Variants in CLUL1 observed in about 807,000 individuals in gnomAD.
CLUL1 encodes the protein clusterin like 1, also known as clusterin-like protein 1.
Under a neutral mutation model 49.4 loss-of-function variants are expected in CLUL1, and 43 were observed. That is an observed-to-expected ratio of 0.87 (90% confidence interval 0.68 to 1.12). The LOEUF is 1.12. Ranked by LOEUF, CLUL1 falls within the 50% of genes most tolerant of loss-of-function variation. CLUL1 has a pLI of 0.00. For synonymous variants in CLUL1, 192 were observed against 184.9 expected, an observed-to-expected ratio of 1.04 and a Z score of -0.31; for missense variants, 486 against 544.4, an observed-to-expected ratio of 0.89 and a Z score of 1.07.
In CLUL1 at chr18:644,956, C is replaced by G; in HGVS notation, c.1256C>G (p.Thr419Arg). ...GGAAATATTTCCAAACAAGATGAAACAATGATGACAGACTTAAGCATTCTG... is the reference window on the plus strand; with the variant it reads ...GGAAATATTTCCAAACAAGATGAAAGAATGATGACAGACTTAAGCATTCTG... The part of the protein sequence containing the change: ...HEGNISKQDE[T>R]MMTDLSILPS... Residue 419 changes from threonine to arginine, a missense_variant, in exon 9 of 10, where the codon ACA (threonine) becomes AGA (arginine). Coordinates refer to ENST00000692774, the MANE Select transcript of CLUL1 (RefSeq NM_001393344.1). The G allele has an allele frequency of 6.2e-7, 1 of 1,613,032 alleles. No individual in the cohort carries two copies. The highest frequency in any genetic ancestry group is 1.1e-5 in the South Asian group (1 of 90,840).
At chr18:605,155 A>C (rs774038252) in intron 1 of CLUL1, among the ~76,000 whole-genome samples, 30 of 152,204 alleles carry the variant, frequency 2.0e-4, no homozygotes, top group South Asian at 1.2e-3. Flanking sequence ...GTTTGTTTTG[A>C]TTTGACATTT....
At chr18:630,581 CCGAGTAATGTAGGTGGCCT>C in intron 6 of CLUL1, among the ~76,000 whole-genome samples, 1 of 150,316 alleles carries the variant, frequency 6.7e-6, no homozygotes. Flanking sequence ...GGGCCAGGAG[CCGAGTAATGTAGGTGGCCT>C]CGAGGAACTG....
chr18:618,160 C>T lies in CLUL1; in HGVS notation c.106+54C>T, dbSNP rs1844707443. ...TCCTGTTTGCATGTTGGTTGTCCTG[C>T]TGGCGTTTATAGTGAGTCGCAGTTG... On this transcript the variant is annotated intron_variant, in intron 3 of 9. Coordinates refer to ENST00000692774, the MANE Select transcript of CLUL1 (RefSeq NM_001393344.1). The surrounding 1 kb of genome is among the most constrained non-coding windows in gnomAD (Gnocchi z 4.2). The T allele has an allele frequency of 1.5e-6, 2 of 1,366,472 alleles. No homozygotes were observed. 84.6% of individuals were successfully genotyped at this position (1,366,472 alleles called of 1,614,324 possible).
chr18:644,263 G>A (rs1342512308), intron 8 of CLUL1, among the ~76,000 whole-genome samples: 1 of 152,170 alleles, frequency 6.6e-6, no homozygotes, highest in Non-Finnish European at 1.5e-5. Context: ...TATCAGTTCA[G>A]TTCCATTTAA....
In CLUL1 at chr18:627,468, T is replaced by G. The variant is rs748645505; in HGVS notation, c.795T>G (p.Ser265Arg). The G allele has an allele frequency of 3.2e-5, 51 of 1,613,576 alleles. No homozygotes were observed. The highest frequency in any genetic ancestry group is 4.2e-5 in the Non-Finnish European group (49 of 1,179,644). The change falls in exon 6 of 10, where the codon AGT becomes AGG. Residue 265 changes from serine (S) to arginine (R), a missense_variant. Ser to Arg is a moderately radical substitution (Grantham distance 110, BLOSUM62 -1). Transcript: ENST00000692774. ...FCNFSVSIYESVSETITKMLK... is the reference protein window; with the variant it reads ...FCNFSVSIYERVSETITKMLK... The stretch of plus-strand genomic sequence containing the variant: ...ATTTCAGTGTCTCTATTTATGAAAG[T>G]GTCAGTGAAACAATTACTAAGATGC...
rs752310151 is a variant in CLUL1, at chr18:627,273, C to T, written c.600C>T (p.Asn200=). 10 of 1,613,904 alleles carry T rather than the reference C, an allele frequency of 6.2e-6. No individual in the cohort carries two copies. The Admixed American group carries it at 6.7e-5, about 11-fold the overall frequency. The part of the protein sequence containing the change: ...DVNSLFNRSF[N]VFRQMQQEFD... ...ATTCTCTCTTTAACAGGAGTTTTAA[C>T]GTCTTCAGACAGATGCAGCAAGAGT... Residue 200 remains asparagine, a synonymous_variant, in exon 6 of 10, where the codon AAC becomes AAT. Coordinates refer to ENST00000692774, the MANE Select transcript of CLUL1 (RefSeq NM_001393344.1).
At chr18:645,286 A>G (rs1292357640) in intron 9 of CLUL1, 189 bp downstream of exon 9, 1 of 466,456 alleles carries the variant, frequency 2.1e-6, no homozygotes, top group Non-Finnish European at 3.7e-6. Context: ...GGAAATCCTG[A>G]TAGGAATGTG....
At position 645,034 on chromosome 18, in the gene CLUL1, C is replaced by G. The variant is rs1188686355; in HGVS notation, c.1334C>G (p.Ser445Cys). Residue 445 changes from serine to cysteine, a missense_variant, in exon 9 of 10, where the codon TCT becomes TGT. Transcript: ENST00000692774. The part of the protein sequence containing the change: ...KIPLEESAES[S>C]NFIGYVVAKA... ...CCTCTTGAAGAAAGTGCTGAGAGTT[C>G]TAACTTCATTGGCTACGTAGTGGCA... 1.2e-6 allele frequency: 2 copies of G among 1,612,652 alleles called. No homozygotes were observed. Among genetic ancestry groups the G allele is most frequent in the African/African-American group, 2.7e-5 (2 of 74,892 alleles).
At chr18:645,200 C>T (rs566032700) in intron 9 of CLUL1, 103 bp downstream of exon 9, 9 of 856,094 alleles carry the variant, frequency 1.1e-5, no homozygotes, top group Non-Finnish European at 1.6e-5. Context: ...ACATGTTTAA[C>T]CTCATTAATA....
chr18:614,659 T>G (rs1461574160), intron 2 of CLUL1: 1 of 152,264 alleles, frequency 6.6e-6, no homozygotes, highest in Admixed American at 6.5e-5. Context: ...TGAGGAGAAC[T>G]CGTTAGAGAT....
chr18:649,152 G>A (rs948173319), intron 9 of CLUL1, among the ~76,000 whole-genome samples: 2 of 151,984 alleles, frequency 1.3e-5, no homozygotes, highest in Non-Finnish European at 2.9e-5. Context: ...TGCATTCAGG[G>A]TCCCAAACCT....
In CLUL1 at chr18:624,910, G is replaced by A. The variant is rs775184424; in HGVS notation, c.301G>A (p.Glu101Lys). The part of the protein sequence containing the change: ...LNEVQEHLEE[E>K]ERLCRESLAD... ...TGAAGTTCAAGAACATCTGGAGGAAGAAGAAAGGCTATGCCGGGAGTCTTT... is the reference window on the plus strand; with the variant it reads ...TGAAGTTCAAGAACATCTGGAGGAAAAAGAAAGGCTATGCCGGGAGTCTTT... Residue 101 changes from glutamate to lysine, a missense_variant, in exon 5 of 10, where the codon GAA becomes AAA. Physicochemically the swap from Glu to Lys is moderately conservative, Grantham distance 56 (BLOSUM62 1). Coordinates refer to ENST00000692774, the MANE Select transcript of CLUL1 (RefSeq NM_001393344.1). The A allele has an allele frequency of 6.2e-7, 1 of 1,614,202 alleles. No individual in the cohort carries two copies. Among genetic ancestry groups the A allele is most frequent in the Non-Finnish European group, 8.5e-7 (1 of 1,180,024 alleles).
chr18:641,356 G>C lies in CLUL1; in HGVS notation c.1024G>C (p.Glu342Gln), dbSNP rs1567976664. The stretch of plus-strand genomic sequence containing the variant: ...TCCTGATGTACCTGCTCTGCACACA[G>C]AATTAGACGAGGCGATCAGGTTGGT... ...DCPDVPALHT[E>Q]LDEAIRLVNV... The change falls in exon 8 of 10, where the codon GAA (glutamate) becomes CAA (glutamine). Residue 342 changes from glutamate (E) to glutamine (Q), a missense_variant. Coordinates refer to ENST00000692774, the MANE Select transcript of CLUL1 (RefSeq NM_001393344.1). 82 of 1,614,166 alleles carry C rather than the reference G, an allele frequency of 5.1e-5. No homozygotes were observed. The highest frequency in any genetic ancestry group is 6.9e-5 in the Non-Finnish European group (81 of 1,180,026).
At position 597,033 on chromosome 18, in the gene CLUL1, C is replaced by G. The variant is rs576697854; in HGVS notation, c.-232C>G. 2.0e-5 allele frequency: 3 copies of G among 152,356 alleles called. No individual in the cohort carries two copies. Among genetic ancestry groups the G allele is most frequent in the African/African-American group, 7.2e-5 (3 of 41,470 alleles). 9.4% of individuals were successfully genotyped at this position (152,356 alleles called of 1,614,324 possible). A position where few individuals can be genotyped will look rare whatever the true frequency, so the allele number is the denominator to read the frequency against. On this transcript the variant is annotated 5_prime_UTR_variant, in exon 1 of 10. Transcript: ENST00000692774. ...CCGGGCCGCGGGGTTGGTTTCCACCCTGGAGGTTGCTGACACCCTGTGCCC... is the reference window on the plus strand; with the variant it reads ...CCGGGCCGCGGGGTTGGTTTCCACCGTGGAGGTTGCTGACACCCTGTGCCC...
Position 639,145 on chromosome 18 carries a change from A to G in CLUL1, c.995-2182A>G, listed in dbSNP as rs1324054195. 2.6e-5 allele frequency among the ~76,000 whole-genome samples: 3 copies of G among 114,238 alleles called. No individual in the cohort carries two copies. In the East Asian group the frequency reaches 5.8e-4, roughly 22 times the overall value. The allele number at this position is 114,238 out of a possible 152,430, so 74.9% of individuals were successfully genotyped here. A position where few individuals can be genotyped will look rare whatever the true frequency, so the allele number is the denominator to read the frequency against. On this transcript the variant is annotated intron_variant, in intron 7 of 9. Coordinates refer to ENST00000692774, the MANE Select transcript of CLUL1 (RefSeq NM_001393344.1). Reference sequence around the variant, plus strand: ...TTAAACTTAAAAACATGCTTCATACAGCCGGGTGTGGTGGCTCATGCCTGT... The same window carrying G: ...TTAAACTTAAAAACATGCTTCATACGGCCGGGTGTGGTGGCTCATGCCTGT...
chr18:631,143 C>T lies in CLUL1; in HGVS notation c.857-2155C>T, dbSNP rs551550251. On this transcript the variant is annotated intron_variant, in intron 6 of 9. Transcript: ENST00000692774. Reference sequence around the variant, plus strand: ...ATTATGAACACCAGGAAAAGGAGAGCGGAAATAAAAAGAATCAGAAATATC... The same window carrying T: ...ATTATGAACACCAGGAAAAGGAGAGTGGAAATAAAAAGAATCAGAAATATC... 1.1e-4 allele frequency among the ~76,000 whole-genome samples: 16 copies of T among 152,078 alleles called. No individual in the cohort carries two copies. In the South Asian group the frequency reaches 2.3e-3, roughly 22 times the overall value.
chr18:634,866 T>C (rs2074095656), intron 7 of CLUL1, among the ~76,000 whole-genome samples: 1 of 151,998 alleles, frequency 6.6e-6, no homozygotes, highest in African/African-American at 2.4e-5. Flanking sequence ...CTAAAGTCAC[T>C]CCTCCAACCC....
intron 5 of CLUL1, among the ~76,000 whole-genome samples, chr18:625,801 C>T (rs898625851): frequency 2.6e-5 from 4 of 152,168 alleles, no homozygotes; most frequent in African/African-American, 7.2e-5. Context: ...TTAGGGTATG[C>T]TCCTGGCTTG....
intron 9 of CLUL1, 83 bp from the exon 10 acceptor site, chr18:649,815 T>G: frequency 1.0e-6 from 1 of 959,826 alleles, no homozygotes; most frequent in Non-Finnish European, 1.6e-6. Flanking sequence ...CATCCTGGAC[T>G]TTTACTCCAA....
Sources: allele counts gnomAD v4.1 joint callset (sites outside exome capture counted in the v4.1 genomes callset), GRCh38; gene constraint gnomAD v4.1.1; non-coding constraint Gnocchi (gnomAD v3.1); transcripts MANE v1.5; gene names NCBI Gene and HGNC (gene_info 2026-07-23, HGNC 2026-07-21).